Variants in HS6ST3 observed in about 807,000 individuals in gnomAD.
HS6ST3 encodes the protein heparan sulfate 6-O-sulfotransferase 3.
A neutral mutation model predicts 36.7 loss-of-function variants in HS6ST3; 12 were observed. That is an observed-to-expected ratio of 0.33 (90% confidence interval 0.21 to 0.53). The LOEUF is 0.53. Among genes scored for constraint, HS6ST3 ranks in the 20% least tolerant of loss-of-function variants. The pLI, the probability that HS6ST3 is intolerant of heterozygous loss-of-function variation, is 0.95. For synonymous variants in HS6ST3, 240 were observed against 257.5 expected (o/e 0.93, Z 0.65); for missense variants, 584 against 640.9 (o/e 0.91, Z 0.96).
At position 96,593,174 on chromosome 13, in the gene HS6ST3, C is replaced by CTTTTTTTTTTTTT. The variant is rs35380296; in HGVS notation, c.708-239301_708-239289dup. On this transcript the variant is annotated intron_variant, in intron 1 of 1. Transcript: ENST00000376705. The stretch of plus-strand genomic sequence containing the variant: ...CTCTGACTGTGTATTTTCTTTCTTT[C>CTTTTTTTTTTTTT]TTTTTTTTTTTTTTTTTTTTTTTTT... Among the ~76,000 whole-genome samples, 16 of 46,602 alleles carry CTTTTTTTTTTTTT rather than the reference C, an allele frequency of 3.4e-4. 5 individuals are homozygous for CTTTTTTTTTTTTT. Among genetic ancestry groups the CTTTTTTTTTTTTT allele is most frequent in the African/African-American group, 4.7e-4 (5 of 10,680 alleles). 30.6% of individuals were successfully genotyped at this position (46,602 alleles called of 152,430 possible).
intron 1 of HS6ST3, among the ~76,000 whole-genome samples, chr13:96,460,249 G>A (rs2055777448): frequency 6.6e-6 from 1 of 152,154 alleles, no homozygotes; most frequent in South Asian, 2.1e-4. Flanking sequence ...GAATCAGACA[G>A]GAAAGTCTAG....
intron 1 of HS6ST3, among the ~76,000 whole-genome samples, chr13:96,380,745 A>G (rs2055336926): frequency 6.6e-6 from 1 of 152,246 alleles, no homozygotes; most frequent in African/African-American, 2.4e-5. Flanking sequence ...TATGTTTTAA[A>G]TAAACAATTT....
intron 1 of HS6ST3, among the ~76,000 whole-genome samples, chr13:96,183,767 G>A (rs1012497263): frequency 6.6e-6 from 1 of 152,168 alleles, no homozygotes; most frequent in African/African-American, 2.4e-5. Context: ...AGGACCCGGG[G>A]GAAGGGAGAA....
At chr13:96,194,211 G>A (rs1039812451) in intron 1 of HS6ST3, among the ~76,000 whole-genome samples, 7 of 152,030 alleles carry the variant, frequency 4.6e-5, no homozygotes, top group Non-Finnish European at 8.8e-5. Context: ...GAAACCAGGA[G>A]GATACAAAAA....
intron 1 of HS6ST3, among the ~76,000 whole-genome samples, chr13:96,202,014 G>A (rs1269069933): frequency 6.6e-6 from 1 of 152,108 alleles, no homozygotes; most frequent in Non-Finnish European, 1.5e-5. Flanking sequence ...AAATTGTGAT[G>A]AGTTTGAATA....
chr13:96,413,977 A>C (rs1462327429), intron 1 of HS6ST3, among the ~76,000 whole-genome samples: 1 of 152,228 alleles, frequency 6.6e-6, no homozygotes, highest in Admixed American at 6.5e-5. Context: ...AAACACAAGC[A>C]ACAAAGTGTT....
intron 1 of HS6ST3, among the ~76,000 whole-genome samples, chr13:96,814,787 T>TA (rs2138537626): frequency 6.6e-6 from 1 of 152,296 alleles, no homozygotes; most frequent in South Asian, 2.1e-4. Context: ...AGGCTTGTCA[T>TA]ATATGAGTAT....
chr13:96,662,474 C>T (rs535106796), intron 1 of HS6ST3, among the ~76,000 whole-genome samples: 5 of 149,910 alleles, frequency 3.3e-5, no homozygotes, highest in South Asian at 4.3e-4. Context: ...TTTTTTTAAT[C>T]GATCTCTTCT....
At chr13:96,453,067 C>T (rs1329928682) in intron 1 of HS6ST3, among the ~76,000 whole-genome samples, 1 of 151,116 alleles carries the variant, frequency 6.6e-6, no homozygotes, top group African/African-American at 2.4e-5. Context: ...ATGCTGTGCA[C>T]ACAAGGATTT....
intron 1 of HS6ST3, among the ~76,000 whole-genome samples, chr13:96,112,574 AATAAATATATATAT>A (rs1340849446): frequency 4.6e-5 from 2 of 43,540 alleles, no homozygotes; most frequent in Non-Finnish European, 1.0e-4. Flanking sequence ...CTCTAAAATA[AATAAATATATATAT>A]ATATATATAT....
At chr13:96,115,617 A>G (rs899305499) in intron 1 of HS6ST3, among the ~76,000 whole-genome samples, 14 of 152,136 alleles carry the variant, frequency 9.2e-5, no homozygotes, top group Non-Finnish European at 1.6e-4. Flanking sequence ...CATGGTGTAT[A>G]TGTGTCACAT....
chr13:96,499,953 A>G (rs2055996119), intron 1 of HS6ST3, among the ~76,000 whole-genome samples: 1 of 152,236 alleles, frequency 6.6e-6, no homozygotes, highest in Admixed American at 6.5e-5. Flanking sequence ...CATATATCAT[A>G]AAATTCACAA....
At chr13:96,311,142 A>G (rs137977165) in intron 1 of HS6ST3, among the ~76,000 whole-genome samples, 45 of 152,332 alleles carry the variant, frequency 3.0e-4, no homozygotes, top group African/African-American at 9.4e-4. Flanking sequence ...CCACCATGCT[A>G]TGTACCACAT....
At chr13:96,631,843 GA>G (rs1477818470) in intron 1 of HS6ST3, among the ~76,000 whole-genome samples, 1 of 152,126 alleles carries the variant, frequency 6.6e-6, no homozygotes, top group Non-Finnish European at 1.5e-5. Flanking sequence ...TGAGGTTTAC[GA>G]AAACTGCCTT....
chr13:96,612,471 C>A (rs2056460135), intron 1 of HS6ST3, among the ~76,000 whole-genome samples: 2 of 152,062 alleles, frequency 1.3e-5, no homozygotes, highest in Admixed American at 6.6e-5. Context: ...AAAGTTATTT[C>A]CAAATATAAC....
intron 1 of HS6ST3, among the ~76,000 whole-genome samples, chr13:96,688,777 C>A (rs1198885401): frequency 6.6e-6 from 1 of 151,982 alleles, no homozygotes; most frequent in Non-Finnish European, 1.5e-5. Context: ...CACTTGATAT[C>A]CCTGGCATAC....
intron 1 of HS6ST3, among the ~76,000 whole-genome samples, chr13:96,106,564 A>G (rs2053842837): frequency 1.3e-5 from 2 of 152,244 alleles, no homozygotes; most frequent in Admixed American, 1.3e-4. Context: ...CAAAAATGAA[A>G]AAACAGAGTA....
intron 1 of HS6ST3, among the ~76,000 whole-genome samples, chr13:96,516,228 T>A (rs1380864344): frequency 4.6e-5 from 7 of 151,546 alleles, no homozygotes; most frequent in African/African-American, 1.7e-4. Context: ...TGCCTAGCTA[T>A]TTTTTTTCTG....
chr13:96,386,593 G>A (rs932762022), intron 1 of HS6ST3, among the ~76,000 whole-genome samples: 15 of 152,140 alleles, frequency 9.9e-5, no homozygotes, highest in Admixed American at 2.6e-4. Context: ...TTGGCCGGGT[G>A]CAGTGGCTCA....
Sources: gnomAD v4.1 joint callset for allele counts (sites outside exome capture counted in the v4.1 genomes callset) on GRCh38, gnomAD v4.1.1 for gene constraint, MANE v1.5 for transcripts, NCBI Gene and HGNC (gene_info 2026-07-23, HGNC 2026-07-21) for gene names.